CCDC171: variants seen among roughly 807,000 people sequenced by gnomAD.
CCDC171 encodes the protein coiled-coil domain containing 171.
Under a neutral mutation model 168.2 loss-of-function variants are expected in CCDC171, and 177 were observed. The observed-to-expected ratio is 1.05, with a 90% CI of 0.93 to 1.19. The LOEUF is 1.19. Among genes scored for constraint, CCDC171 ranks in the 50% most tolerant of loss-of-function variants. The pLI is 0.00. For missense variants in CCDC171, 1,991 were observed against 1,539.0 expected (o/e 1.29, Z -4.91); for synonymous variants, 687 against 540.8 (o/e 1.27, Z -3.75).
At chr9:15,744,101 TG>T (rs1474158745) in intron 16 of CCDC171, among the ~76,000 whole-genome samples, 171 bp from the exon 17 acceptor site, 3 of 152,240 alleles carry the variant, frequency 2.0e-5, no homozygotes, top group Non-Finnish European at 4.4e-5. Flanking sequence ...CTAAGCTGTT[TG>T]GCTCACTGTT....
At position 16,013,447 on chromosome 9, in the gene CCDC171, C is replaced by T. The variant is rs534337489; in HGVS notation, n.369-7142C>T. 7.2e-5 allele frequency among the ~76,000 whole-genome samples: 11 copies of T among 152,322 alleles called. No individual in the cohort carries two copies. In the South Asian group the frequency reaches 2.3e-3, roughly 32 times the overall value. Reference sequence around the variant, plus strand: ...TCTTCTATTTACTCACTAAGGCCTACCTTTGCAATCTGACGTTCAAAGGTT... The same window carrying T: ...TCTTCTATTTACTCACTAAGGCCTATCTTTGCAATCTGACGTTCAAAGGTT... On this transcript the variant is annotated intron_variant and non_coding_transcript_variant, in intron 3 of 9. Coordinates refer to the CCDC171 transcript ENST00000486641.
At chr9:15,610,481 A>AAAAAAG (rs1564044335) in intron 6 of CCDC171, among the ~76,000 whole-genome samples, 1 of 136,754 alleles carries the variant, frequency 7.3e-6, no homozygotes, top group African/African-American at 2.8e-5. Context: ...AAAAAAAAAA[A>AAAAAAG]CTGGGCGTGG....
rs1322805699 is a variant in CCDC171, at chr9:15,925,313, A to G, written c.3753+4891A>G. On this transcript the variant is annotated intron_variant, in intron 25 of 25. Coordinates refer to ENST00000380701, the MANE Select transcript of CCDC171 (RefSeq NM_173550.4). ...AAGATTGGATAGGAATTATCCAATG[A>G]TGCAAAAGAACAGTGATCTAGATCA... is the stretch of plus-strand genomic sequence containing the variant. Among the ~76,000 whole-genome samples the G allele has an allele frequency of 2.0e-5, 3 of 151,574 alleles. No homozygotes were observed. In the Admixed American group the frequency reaches 2.0e-4, roughly 10 times the overall value.
chr9:15,813,606 T>TTGTGTG lies in CCDC171; in HGVS notation c.3267+28924_3267+28929dup, dbSNP rs140437207. Among the ~76,000 whole-genome samples, 853 of 149,906 alleles carry TTGTGTG rather than the reference T, an allele frequency of 5.7e-3. 3 individuals carry two copies. The highest frequency in any genetic ancestry group is 0.019 in the African/African-American group (758 of 40,772). ...ACATTTTACATACTTTTACATGTAT[T>TTGTGTG]TGTGTGTGTGTGTGTGTATATATAT... On this transcript the variant is annotated intron_variant, in intron 21 of 25. Transcript: ENST00000380701.
At chr9:15,765,327 G>A (rs2056662920) in intron 18 of CCDC171, among the ~76,000 whole-genome samples, 1 of 152,060 alleles carries the variant, frequency 6.6e-6, no homozygotes, top group South Asian at 2.1e-4. Flanking sequence ...GTAATTCAAT[G>A]TGTTTGTGTG....
At chr9:16,068,769 G>A in the CCDC171 span, among the ~76,000 whole-genome samples, 1 of 151,900 alleles carries the variant, frequency 6.6e-6, no homozygotes, top group Non-Finnish European at 1.5e-5. Flanking sequence ...GATGTATTCT[G>A]CCAGGATACG....
intron 8 of CCDC171, among the ~76,000 whole-genome samples, chr9:15,657,626 C>G (rs1266244762): frequency 6.6e-6 from 1 of 152,082 alleles, no homozygotes; most frequent in Non-Finnish European, 1.5e-5. Flanking sequence ...AGTGCATATC[C>G]TATGCATATC....
chr9:15,724,303 C>A (rs1011917631), intron 13 of CCDC171, among the ~76,000 whole-genome samples: 159 of 152,214 alleles, frequency 1.0e-3, no homozygotes, highest in Admixed American at 3.1e-3. Flanking sequence ...TTGGGTTTGT[C>A]CTGGACACAC....
intron 25 of CCDC171, among the ~76,000 whole-genome samples, chr9:15,956,731 G>A (rs1589243622): frequency 6.6e-6 from 1 of 152,096 alleles, no homozygotes; most frequent in East Asian, 1.9e-4. Flanking sequence ...GAAAGCCTCA[G>A]TAACATGACA....
chr9:15,751,125 C>A (rs898293986), intron 18 of CCDC171, among the ~76,000 whole-genome samples: 5 of 152,160 alleles, frequency 3.3e-5, no homozygotes, highest in African/African-American at 1.2e-4. Context: ...TTCCTATACA[C>A]CAGTAACAGT....
intron 18 of CCDC171, among the ~76,000 whole-genome samples, chr9:15,767,619 T>TA (rs553405483): frequency 2.6e-5 from 4 of 151,466 alleles, no homozygotes; most frequent in African/African-American, 9.7e-5. Flanking sequence ...CATACATAGT[T>TA]AAAAAAAATT....
intron 11 of CCDC171, among the ~76,000 whole-genome samples, chr9:15,718,630 C>T (rs1250746782): frequency 6.6e-6 from 1 of 152,052 alleles, no homozygotes; most frequent in South Asian, 2.1e-4. Context: ...CACAGAGAGA[C>T]TCTGTTTGGG....
chr9:16,062,006 C>T (rs187772641), downstream of CCDC171, among the ~76,000 whole-genome samples: 81 of 152,256 alleles, frequency 5.3e-4, no homozygotes, highest in African/African-American at 1.9e-3. Context: ...AAATACCTCA[C>T]TGCTAGGGAA....
chr9:16,010,431 A>T (rs1294198708), intron 3 of CCDC171, among the ~76,000 whole-genome samples: 4 of 152,110 alleles, frequency 2.6e-5, no homozygotes, highest in Non-Finnish European at 4.4e-5. Flanking sequence ...AGGAATGAAC[A>T]AGCAGGCAGC....
chr9:15,795,157 C>T (rs538930846), intron 21 of CCDC171, among the ~76,000 whole-genome samples: 1 of 152,148 alleles, frequency 6.6e-6, no homozygotes, highest in Non-Finnish European at 1.5e-5. Flanking sequence ...TGTGTCATCC[C>T]ATGGCAGAAG....
chr9:15,993,196 A>T lies in CCDC171; in HGVS notation n.369-27393A>T, dbSNP rs1231948567. On this transcript the variant is annotated intron_variant and non_coding_transcript_variant, in intron 3 of 9. Coordinates refer to the CCDC171 transcript ENST00000486641. ...ATCATGCTACCTGACTTCAAACTAT[A>T]CTACATGGCTACAGTAAGCAAAACA... 2.0e-5 allele frequency among the ~76,000 whole-genome samples: 3 copies of T among 151,832 alleles called. No homozygotes were observed. The East Asian group carries it at 5.8e-4, about 29-fold the overall frequency.
intron 21 of CCDC171, among the ~76,000 whole-genome samples, chr9:15,802,880 A>G (rs2058894343): frequency 6.6e-6 from 1 of 152,184 alleles, no homozygotes; most frequent in Non-Finnish European, 1.5e-5. Context: ...GCAACAGTAT[A>G]AAAATGTTCC....
intron 1 of CCDC171, among the ~76,000 whole-genome samples, chr9:16,053,762 C>T (rs1331017182): frequency 6.6e-6 from 1 of 152,238 alleles, no homozygotes; most frequent in African/African-American, 2.4e-5. Context: ...GTCTCCCTCA[C>T]TGGGGCTGCA....
intron 10 of CCDC171, among the ~76,000 whole-genome samples, chr9:15,690,666 C>G (rs903604915): frequency 5.3e-5 from 8 of 151,978 alleles, no homozygotes; most frequent in Non-Finnish European, 7.4e-5. Context: ...CACTTGATCA[C>G]TTGAAAAATA....
Sources: gnomAD v4.1 joint callset for allele counts (sites outside exome capture counted in the v4.1 genomes callset) on GRCh38, gnomAD v4.1.1 for gene constraint, MANE v1.5 for transcripts, NCBI Gene and HGNC (gene_info 2026-07-23, HGNC 2026-07-21) for gene names.